Variants in CLYBL observed in about 807,000 individuals in gnomAD.
The protein encoded by CLYBL is citramalyl-CoA lyase, also known as citramalyl-CoA lyase, mitochondrial.
CLYBL carries 31 observed loss-of-function variants against 38.9 expected under a neutral mutation model. That is an observed-to-expected ratio of 0.80 (90% CI 0.60 to 1.08). The LOEUF (loss-of-function observed/expected upper bound fraction) is 1.08. Ranked by LOEUF, CLYBL falls within the 50% of genes least tolerant of loss-of-function variation. The probability of loss-of-function intolerance (pLI) is 0.00; values close to 1 mark genes in which losing one functional copy is unlikely to be tolerated. For synonymous variants in CLYBL, 171 were observed against 158.6 expected (o/e 1.08, Z -0.59); for missense variants, 434 against 411.6 (o/e 1.05, Z -0.47).
At chr13:99,791,729 G>T (rs1399227373) in intron 2 of CLYBL, among the ~76,000 whole-genome samples, 2 of 152,208 alleles carry the variant, frequency 1.3e-5, no homozygotes, top group Non-Finnish European at 2.9e-5. Flanking sequence ...GTGAGCATTT[G>T]ATAAATCCAT....
chr13:99,650,443 G>C (rs1014920270), intron 1 of CLYBL, among the ~76,000 whole-genome samples: 2 of 152,118 alleles, frequency 1.3e-5, no homozygotes, highest in African/African-American at 4.8e-5. Flanking sequence ...TTTTCAAGAG[G>C]GGAAGAAATA....
intron 2 of CLYBL, among the ~76,000 whole-genome samples, chr13:99,777,499 T>TTC (rs1022272280): frequency 2.7e-5 from 4 of 150,938 alleles, no homozygotes; most frequent in South Asian, 2.1e-4. Context: ...TTCTTTTCTT[T>TTC]TTTTTTTTTT....
chr13:99,648,306 G>T (rs970653946), intron 1 of CLYBL, among the ~76,000 whole-genome samples: 7 of 152,128 alleles, frequency 4.6e-5, no homozygotes, highest in East Asian at 1.9e-4. Flanking sequence ...AAATCTCAAC[G>T]CCATGGACTA....
intron 1 of CLYBL, among the ~76,000 whole-genome samples, chr13:99,645,239 G>C (rs1383475008): frequency 1.3e-5 from 2 of 152,208 alleles, no homozygotes; most frequent in African/African-American, 4.8e-5. Flanking sequence ...GCTCACGCCT[G>C]TAATCCCAGC....
intron 7 of CLYBL, among the ~76,000 whole-genome samples, chr13:99,884,218 G>A (rs549631109): frequency 6.6e-6 from 1 of 152,296 alleles, no homozygotes; most frequent in East Asian, 1.9e-4. Flanking sequence ...CAACTGACCA[G>A]TGAATATTAC....
At chr13:99,807,819 A>T (rs536871050) in intron 2 of CLYBL, among the ~76,000 whole-genome samples, 1 of 152,324 alleles carries the variant, frequency 6.6e-6, no homozygotes, top group South Asian at 2.1e-4. Flanking sequence ...ATAATAAAAT[A>T]TTTTTTAAAA....
chr13:99,637,670 A>C (rs955264948), intron 1 of CLYBL, among the ~76,000 whole-genome samples: 15 of 152,162 alleles, frequency 9.9e-5, no homozygotes, highest in African/African-American at 1.4e-4. Flanking sequence ...AGGGAGGAGA[A>C]TTGCTTGAAC....
intron 2 of CLYBL, among the ~76,000 whole-genome samples, chr13:99,823,250 T>TG (rs2050621165): frequency 6.6e-6 from 1 of 152,206 alleles, no homozygotes; most frequent in East Asian, 1.9e-4. Context: ...AAAATAGAGA[T>TG]GGGGTCTTAC....
At chr13:99,877,522 C>CT (rs2052076061) in intron 7 of CLYBL, 6 of 282,928 alleles carry the variant, frequency 2.1e-5, no homozygotes, top group East Asian at 1.4e-4. Flanking sequence ...TCAGAGCATT[C>CT]TTTTATTTAT....
chr13:99,676,239 T>TCC (rs1419185465), intron 1 of CLYBL, among the ~76,000 whole-genome samples: 1,803 of 134,040 alleles, frequency 0.013, 54 homozygotes, highest in African/African-American at 0.055. Flanking sequence ...CTTCCTTCCT[T>TCC]TCCTCCCTTT....
chr13:99,851,448 T>C (rs1377695974), intron 2 of CLYBL, among the ~76,000 whole-genome samples: 1 of 151,462 alleles, frequency 6.6e-6, no homozygotes, highest in African/African-American at 2.4e-5. Flanking sequence ...TGCCACATTG[T>C]ACATTTAAAG....
At chr13:99,906,622 C>T (rs2052701151) in intron 9 of CLYBL, among the ~76,000 whole-genome samples, 1 of 152,078 alleles carries the variant, frequency 6.6e-6, no homozygotes. Context: ...TGGGGTTTCT[C>T]CATGTTGGCC....
intron 1 of CLYBL, among the ~76,000 whole-genome samples, chr13:99,670,536 A>G (rs1338004785): frequency 6.6e-6 from 1 of 152,190 alleles, no homozygotes. Flanking sequence ...GGCCTGTTTT[A>G]GGATTTAGAA....
chr13:99,694,395 G>T (rs1353044046), intron 1 of CLYBL, among the ~76,000 whole-genome samples: 1 of 152,238 alleles, frequency 6.6e-6, no homozygotes, highest in African/African-American at 2.4e-5. Context: ...CCAAGTCTGT[G>T]TTGGGGACTT....
At chr13:99,858,169 C>T (rs1727458048) in intron 2 of CLYBL, among the ~76,000 whole-genome samples, 1 of 152,146 alleles carries the variant, frequency 6.6e-6, no homozygotes, top group Non-Finnish European at 1.5e-5. Context: ...AGCCTTTCAG[C>T]TTTTCTGAAC....
chr13:99,880,316 C>A (rs957656222), intron 7 of CLYBL, among the ~76,000 whole-genome samples: 5 of 152,038 alleles, frequency 3.3e-5, no homozygotes, highest in Admixed American at 3.3e-4. Flanking sequence ...CTGCCCGCTT[C>A]GGCCTCCCAA....
intron 2 of CLYBL, among the ~76,000 whole-genome samples, chr13:99,835,261 A>G (rs899998839): frequency 6.6e-6 from 1 of 152,220 alleles, no homozygotes; most frequent in African/African-American, 2.4e-5. Context: ...AATGAAGTTT[A>G]TTTCTCTCTC....
At chr13:99,679,060 C>T (rs879331253) in intron 1 of CLYBL, among the ~76,000 whole-genome samples, 7 of 151,882 alleles carry the variant, frequency 4.6e-5, no homozygotes, top group Non-Finnish European at 7.4e-5. Context: ...TTTGGGAGGC[C>T]GAGGCGGGCA....
At chr13:99,763,554 T>TC (rs1356939440) in intron 1 of CLYBL, among the ~76,000 whole-genome samples, 2 of 148,976 alleles carry the variant, frequency 1.3e-5, no homozygotes, top group African/African-American at 4.9e-5. Context: ...TATTCTTTTT[T>TC]TTTTTTTTTT....
Sources: gnomAD v4.1 joint callset for allele counts (sites outside exome capture counted in the v4.1 genomes callset) on GRCh38, gnomAD v4.1.1 for gene constraint, MANE v1.5 for transcripts, NCBI Gene and HGNC (gene_info 2026-07-23, HGNC 2026-07-21) for gene names.